UTRN: variants seen among roughly 807,000 people sequenced by gnomAD.
UTRN encodes dystrophin-related protein 1.
A neutral mutation model predicts 463.9 loss-of-function variants in UTRN; 283 were observed. The ratio of observed to expected loss-of-function variants is 0.61; its 90% CI spans 0.55 to 0.67. The LOEUF is 0.67. Among genes scored for constraint, UTRN ranks in the 30% least tolerant of loss-of-function variants. UTRN has a pLI of 0.00. For synonymous variants in UTRN, 1,442 were observed against 1,431.5 expected, an observed-to-expected ratio of 1.01 and a Z score of -0.17; for missense variants, 3,922 against 4,084.3, an observed-to-expected ratio of 0.96 and a Z score of 1.08.
intron 53 of UTRN, among the ~76,000 whole-genome samples, chr6:144,714,082 C>T (rs1174205398): frequency 6.6e-6 from 1 of 152,116 alleles, no homozygotes; most frequent in African/African-American, 2.4e-5. Context: ...ATATTAACTG[C>T]TCATTGAGGG....
At chr6:144,561,252 T>TACACAC (rs1228816640) in intron 50 of UTRN, among the ~76,000 whole-genome samples, 10 of 47,884 alleles carry the variant, frequency 2.1e-4, no homozygotes, top group African/African-American at 4.8e-4. Flanking sequence ...TATATATATA[T>TACACAC]ATATATATAC....
At chr6:144,838,459 T>TGTAACATCTGCATTC in intron 71 of UTRN, among the ~76,000 whole-genome samples, 1 of 152,226 alleles carries the variant, frequency 6.6e-6, no homozygotes, top group South Asian at 2.1e-4. Flanking sequence ...ATGAAAAACT[T>TGTAACATCTGCATTC]GTAACATCTG....
chr6:144,608,066 C>T (rs1805065189), intron 51 of UTRN, among the ~76,000 whole-genome samples: 1 of 152,096 alleles, frequency 6.6e-6, no homozygotes, highest in African/African-American at 2.4e-5. Flanking sequence ...GCCATGGTAT[C>T]CGGATTTTTG....
intron 53 of UTRN, chr6:144,708,236 G>C: frequency 1.6e-6 from 1 of 630,852 alleles, no homozygotes; most frequent in South Asian, 1.5e-5. Context: ...GTAGTCCAGA[G>C]GTAATTCTGC....
At chr6:144,409,370 A>G (rs569865526) in intron 3 of UTRN, among the ~76,000 whole-genome samples, 1 of 152,372 alleles carries the variant, frequency 6.6e-6, no homozygotes, top group African/African-American at 2.4e-5. Context: ...ATTGGTATTC[A>G]TAATTGTGAA....
Position 144,557,273 on chromosome 6 carries a change from A to C in UTRN, c.7251A>C (p.Thr2417=). Residue 2417 remains threonine (T), a synonymous_variant, in exon 50 of 75, where the codon ACA becomes ACC. Transcript: ENST00000367545. The part of the protein sequence containing the change: ...SDDTRNVKET[T]EYLKTSWINL... ...ACACAAGGAATGTGAAAGAAACCACAGAGTACTTAAAAACATCATGGATCA... is the reference window on the plus strand; with the variant it reads ...ACACAAGGAATGTGAAAGAAACCACCGAGTACTTAAAAACATCATGGATCA... 1.2e-6 allele frequency: 2 copies of C among 1,613,922 alleles called. No individual in the cohort carries two copies. Among genetic ancestry groups the C allele is most frequent in the Non-Finnish European group, 1.7e-6 (2 of 1,179,870 alleles).
At chr6:144,662,816 C>T (rs1403139234) in intron 51 of UTRN, among the ~76,000 whole-genome samples, 2 of 152,130 alleles carry the variant, frequency 1.3e-5, no homozygotes, top group Admixed American at 1.3e-4. Context: ...AACTTTAAGA[C>T]AGCAGTTTTT....
At chr6:144,475,195 G>T (rs73780589) in intron 25 of UTRN, among the ~76,000 whole-genome samples, 3,227 of 152,306 alleles carry the variant, frequency 0.021, 137 homozygotes, top group African/African-American at 0.074. Flanking sequence ...TATCATGGAG[G>T]AGTAGCAAGG....
At chr6:144,536,901 C>A (rs1797588205) in intron 43 of UTRN, among the ~76,000 whole-genome samples, 1 of 151,958 alleles carries the variant, frequency 6.6e-6, no homozygotes, top group Admixed American at 6.5e-5. Flanking sequence ...CTAATTGAGG[C>A]AGTTCCTTTT....
intron 62 of UTRN, among the ~76,000 whole-genome samples, chr6:144,792,413 G>A (rs1428933263): frequency 6.6e-6 from 1 of 152,140 alleles, no homozygotes; most frequent in East Asian, 1.9e-4. Flanking sequence ...TGGGTGTGGT[G>A]GTGCATGCCT....
chr6:144,679,869 A>G (rs1325696803), intron 52 of UTRN, among the ~76,000 whole-genome samples: 2 of 152,162 alleles, frequency 1.3e-5, no homozygotes, highest in South Asian at 4.1e-4. Flanking sequence ...GGAAGGGAGC[A>G]ATGCAGCATG....
At chr6:144,667,007 A>G (rs571423443) in intron 51 of UTRN, among the ~76,000 whole-genome samples, 2 of 149,680 alleles carry the variant, frequency 1.3e-5, no homozygotes, top group East Asian at 3.9e-4. Flanking sequence ...CACCACTACT[A>G]CTTCTTCTTC....
chr6:144,833,786 A>G (rs1283292955), intron 69 of UTRN, among the ~76,000 whole-genome samples: 1 of 152,114 alleles, frequency 6.6e-6, no homozygotes, highest in Non-Finnish European at 1.5e-5. Context: ...GGTGGTGTTG[A>G]GACATTAGTC....
At chr6:144,371,841 G>A (rs1780011814) in intron 2 of UTRN, among the ~76,000 whole-genome samples, 1 of 152,150 alleles carries the variant, frequency 6.6e-6, no homozygotes, top group African/African-American at 2.4e-5. Flanking sequence ...GCGTAGGGCT[G>A]GGGAGGCATA....
At chr6:144,789,062 T>C in intron 61 of UTRN, 132 bp from the exon 62 acceptor site, 1 of 695,324 alleles carries the variant, frequency 1.4e-6, no homozygotes, top group Non-Finnish European at 2.4e-6. Context: ...TAAAAGTTAA[T>C]AGAAAAGTTG....
intron 62 of UTRN, among the ~76,000 whole-genome samples, chr6:144,790,208 A>G (rs1047057723): frequency 2.0e-5 from 3 of 152,200 alleles, no homozygotes; most frequent in African/African-American, 7.2e-5. Flanking sequence ...CTACTATCAC[A>G]TATCTTTTGA....
At chr6:144,310,291 C>G (rs1173964505) in intron 2 of UTRN, among the ~76,000 whole-genome samples, 2 of 151,918 alleles carry the variant, frequency 1.3e-5, no homozygotes, top group Non-Finnish European at 2.9e-5. Context: ...AATCCCAGCA[C>G]TTTGGGAGGC....
chr6:144,458,739 G>T, intron 19 of UTRN, 31 bp from the exon 20 acceptor site: 5 of 1,552,328 alleles, frequency 3.2e-6, no homozygotes, highest in Non-Finnish European at 4.3e-6. Context: ...GTAATATATA[G>T]ACTGTTTGCT....
chr6:144,626,828 T>C (rs755063432), intron 51 of UTRN, among the ~76,000 whole-genome samples: 3 of 152,148 alleles, frequency 2.0e-5, no homozygotes, highest in Admixed American at 6.5e-5. Context: ...TTAGTAGAGA[T>C]GGCGTTTCAC....
Sources: allele counts gnomAD v4.1 joint callset (sites outside exome capture counted in the v4.1 genomes callset), GRCh38; gene constraint gnomAD v4.1.1; transcripts MANE v1.5; gene names NCBI Gene and HGNC (gene_info 2026-07-23, HGNC 2026-07-21).